The following ELMO1 variants were observed in gnomAD, a reference collection of about 807,000 sequenced individuals.
ELMO1 encodes the protein engulfment and cell motility protein 1.
In ELMO1, 26 loss-of-function variants were observed where a neutral mutation model predicts 98.9. The observed-to-expected ratio is 0.26, with a 90% CI of 0.19 to 0.36. ELMO1 has a LOEUF of 0.36. Among genes scored for constraint, ELMO1 ranks in the 10% least tolerant of loss-of-function variants. ELMO1 has a pLI of 1.00. For synonymous variants in ELMO1, 346 were observed against 346.0 expected (o/e 1.00, Z 0.00); for missense variants, 627 against 935.2 (o/e 0.67, Z 4.30).
At chr7:37,043,872 T>G (rs1389039648) in intron 15 of ELMO1, among the ~76,000 whole-genome samples, 1 of 152,140 alleles carries the variant, frequency 6.6e-6, no homozygotes, top group Non-Finnish European at 1.5e-5. Flanking sequence ...CTTTGCTGCC[T>G]GCTTTAGATC....
rs1805437900 is a variant in ELMO1, at chr7:37,442,159, C to T, written c.-74+6516G>A. ...GAGGCCAGGGAAGGCAGTAAACATTCGACAGTACACAGGACAGCCCTTACA... is the reference window on the plus strand; with the variant it reads ...GAGGCCAGGGAAGGCAGTAAACATTTGACAGTACACAGGACAGCCCTTACA... On this transcript the variant is annotated intron_variant, in intron 1 of 21. Coordinates refer to ENST00000310758, the MANE Select transcript of ELMO1 (RefSeq NM_014800.11). Among the ~76,000 whole-genome samples, 3 of 152,250 alleles carry T rather than the reference C, an allele frequency of 2.0e-5. No homozygotes were observed. In the South Asian group the frequency reaches 6.2e-4, roughly 32 times the overall value.
At chr7:37,063,055 A>G (rs988637015) in intron 15 of ELMO1, among the ~76,000 whole-genome samples, 1 of 152,210 alleles carries the variant, frequency 6.6e-6, no homozygotes, top group Non-Finnish European at 1.5e-5. Context: ...CCTCCCGGTA[A>G]GAAAATAAGC....
intron 16 of ELMO1, among the ~76,000 whole-genome samples, chr7:36,921,295 G>A (rs1365776048): frequency 6.6e-6 from 1 of 152,200 alleles, no homozygotes; most frequent in African/African-American, 2.4e-5. Flanking sequence ...CAGGCCCACT[G>A]GACCAAATCT....
chr7:37,328,055 C>G (rs1388699525), intron 2 of ELMO1, among the ~76,000 whole-genome samples: 2 of 152,118 alleles, frequency 1.3e-5, no homozygotes, highest in Non-Finnish European at 2.9e-5. Flanking sequence ...GTGTATTTCA[C>G]TAATGAGCAA....
chr7:37,129,320 G>A (rs531818372), intron 14 of ELMO1, among the ~76,000 whole-genome samples: 2 of 152,182 alleles, frequency 1.3e-5, no homozygotes, highest in Non-Finnish European at 2.9e-5. Flanking sequence ...CATTAGCAAG[G>A]AGGCCACTAA....
At chr7:37,024,075 C>G (rs1794431814) in intron 15 of ELMO1, among the ~76,000 whole-genome samples, 1 of 152,148 alleles carries the variant, frequency 6.6e-6, no homozygotes, top group Non-Finnish European at 1.5e-5. Context: ...CTTTCTCCCT[C>G]CTTCCCTCCT....
At chr7:36,859,133 G>C (rs1196146970) in intron 21 of ELMO1, among the ~76,000 whole-genome samples, 1 of 152,154 alleles carries the variant, frequency 6.6e-6, no homozygotes, top group Non-Finnish European at 1.5e-5. Flanking sequence ...TGTAGATTCA[G>C]AGAAACCTAG....
intron 4 of ELMO1, among the ~76,000 whole-genome samples, chr7:37,286,862 G>C (rs1308178063): frequency 6.6e-6 from 1 of 152,070 alleles, no homozygotes; most frequent in Non-Finnish European, 1.5e-5. Context: ...AAATAAATAA[G>C]CTTGCAAAGA....
chr7:37,211,279 C>G (rs762396883), intron 13 of ELMO1, 107 bp downstream of exon 13: 4 of 1,503,440 alleles, frequency 2.7e-6, no homozygotes, highest in Admixed American at 1.9e-5. Flanking sequence ...GAAACTATTC[C>G]GTAAAGCGCA....
At chr7:37,128,821 G>A (rs1355584468) in intron 14 of ELMO1, among the ~76,000 whole-genome samples, 3 of 152,152 alleles carry the variant, frequency 2.0e-5, no homozygotes, top group Admixed American at 6.5e-5. Flanking sequence ...CTCTGTGCCA[G>A]GGGCTAGAAT....
intron 4 of ELMO1, among the ~76,000 whole-genome samples, chr7:37,288,020 G>T (rs1584920360): frequency 6.6e-6 from 1 of 152,256 alleles, no homozygotes; most frequent in East Asian, 1.9e-4. Context: ...GAGTGCAGTG[G>T]TGCGATCTCA....
chr7:37,377,450 G>A (rs547986384), intron 1 of ELMO1, among the ~76,000 whole-genome samples: 11 of 152,200 alleles, frequency 7.2e-5, no homozygotes, highest in East Asian at 1.9e-4. Context: ...AATGGAATGC[G>A]CCAGTACCAC....
chr7:36,863,660 C>T (rs1440773990), intron 20 of ELMO1, among the ~76,000 whole-genome samples: 5 of 151,984 alleles, frequency 3.3e-5, no homozygotes, highest in Non-Finnish European at 5.9e-5. Context: ...TTATAGGGAG[C>T]CAAAGTTAAG....
chr7:37,331,476 C>A (rs1193123778), intron 2 of ELMO1, among the ~76,000 whole-genome samples: 17 of 151,800 alleles, frequency 1.1e-4, no homozygotes, highest in African/African-American at 3.9e-4. Context: ...GCCACCACGC[C>A]CAGTGACTAC....
chr7:37,206,309 T>C (rs1381211798), intron 13 of ELMO1, among the ~76,000 whole-genome samples: 1 of 152,080 alleles, frequency 6.6e-6, no homozygotes, highest in African/African-American at 2.4e-5. Flanking sequence ...AACATGAAAA[T>C]GTCAAGTACC....
chr7:37,411,954 G>T (rs140557127), intron 1 of ELMO1, among the ~76,000 whole-genome samples: 2 of 152,082 alleles, frequency 1.3e-5, no homozygotes, highest in African/African-American at 4.8e-5. Context: ...TAATTAATAT[G>T]CTCCACAGAG....
At chr7:37,178,745 A>C (rs1347509136) in intron 13 of ELMO1, among the ~76,000 whole-genome samples, 1 of 152,210 alleles carries the variant, frequency 6.6e-6, no homozygotes, top group South Asian at 2.1e-4. Context: ...TTGCCTCTGT[A>C]AGTTTCTCTC....
chr7:36,863,443 T>TA (rs556808100), intron 20 of ELMO1, among the ~76,000 whole-genome samples: 2 of 151,582 alleles, frequency 1.3e-5, no homozygotes, highest in Admixed American at 6.6e-5. Flanking sequence ...TCATTCTTTT[T>TA]AAAAAAAAAT....
At position 36,871,438 on chromosome 7, in the gene ELMO1, A is replaced by G. The variant is rs145045275; in HGVS notation, c.1823-963T>C. Among the ~76,000 whole-genome samples, 9 of 152,342 alleles carry G rather than the reference A, an allele frequency of 5.9e-5. No individual in the cohort carries two copies. The East Asian group carries it at 1.7e-3, about 29-fold the overall frequency. ...CAACTGAAAGAAAGAAGGCAATAGG[A>G]TGGTTTGGAACCTTAATTTAAAATA... is the stretch of plus-strand genomic sequence containing the variant. On this transcript the variant is annotated intron_variant, in intron 19 of 21. Transcript: ENST00000310758.
Sources: gnomAD v4.1 joint callset for allele counts (sites outside exome capture counted in the v4.1 genomes callset) on GRCh38, gnomAD v4.1.1 for gene constraint, MANE v1.5 for transcripts, NCBI Gene and HGNC (gene_info 2026-07-23, HGNC 2026-07-21) for gene names.